MEGF8: variants seen among roughly 807,000 people sequenced by gnomAD.
MEGF8 encodes multiple EGF like domains 8.
Under a neutral mutation model 302.9 loss-of-function variants are expected in MEGF8, and 156 were observed. The ratio of observed to expected loss-of-function variants is 0.52; its 90% CI spans 0.45 to 0.59. MEGF8 has a LOEUF of 0.59. Ranked by LOEUF, MEGF8 falls within the 20% of genes least tolerant of loss-of-function variation. The pLI is 0.00. For synonymous variants in MEGF8, 1,621 were observed against 1,660.5 expected (o/e 0.98, Z 0.58); for missense variants, 3,345 against 3,964.5 (o/e 0.84, Z 4.20).
chr19:42,344,389 G>T lies in MEGF8; in HGVS notation c.1789-52G>T, dbSNP rs953994860. 2.6e-6 allele frequency: 4 copies of T among 1,527,304 alleles called. No homozygotes were observed. In the African/African-American group the frequency reaches 4.1e-5, roughly 16 times the overall value. The allele number at this position is 1,527,304 out of a possible 1,614,324, so 94.6% of individuals were successfully genotyped here. ...CTGTATCCACAGCCCTTCCTTCCCA[G>T]ATCTCTTGAGCTCCAGTTGACAGTG... is the stretch of plus-strand genomic sequence containing the variant. On this transcript the variant is annotated intron_variant, in intron 10 of 41. Transcript: ENST00000251268. The surrounding 1 kb of genome is among the most constrained non-coding windows in gnomAD (Gnocchi z 4.5).
chr19:42,359,691 C>G (rs1021973996), intron 31 of MEGF8, among the ~76,000 whole-genome samples: 7 of 151,790 alleles, frequency 4.6e-5, no homozygotes, highest in Admixed American at 4.6e-4. Flanking sequence ...GTCTCTTTTT[C>G]TATTTTTATT....
rs1390419183 is a variant in MEGF8 at position 42,377,910 on chromosome 19, G to C, written c.*1135G>C. The C allele has an allele frequency of 6.6e-6, 1 of 152,454 alleles. No homozygotes were observed. The highest frequency in any genetic ancestry group is 2.4e-5 in the African/African-American group (1 of 41,430). 9.4% of individuals were successfully genotyped at this position (152,454 alleles called of 1,614,324 possible). A position where few individuals can be genotyped will look rare whatever the true frequency, so the allele number is the denominator to read the frequency against. ...GCTGGCAATGAGGGAGTCTGGCTCA[G>C]ATGTGGGATGTGTATGGAAGAATAT... On this transcript the variant is annotated 3_prime_UTR_variant, in exon 42 of 42. Coordinates refer to ENST00000251268, the MANE Select transcript of MEGF8 (RefSeq NM_001271938.2).
At chr19:42,361,084 G>A (rs1004659859) in intron 32 of MEGF8, 78 bp downstream of exon 32, 27 of 1,398,746 alleles carry the variant, frequency 1.9e-5, no homozygotes, top group Non-Finnish European at 2.3e-5. Context: ...CACCAGGATG[G>A]AGGCCTCAGG....
At chr19:42,365,491 T>G (rs953076214) in intron 35 of MEGF8, among the ~76,000 whole-genome samples, 9 of 150,032 alleles carry the variant, frequency 6.0e-5, no homozygotes, top group African/African-American at 2.2e-4. Flanking sequence ...CTTAGCTGGG[T>G]GGGGTGGCTC....
chr19:42,359,107 C>T lies in MEGF8; in HGVS notation c.5353C>T (p.Arg1785Trp), dbSNP rs772299336. The change falls in exon 31 of 42, where the codon CGG (arginine) becomes TGG (tryptophan). Residue 1785 changes from arginine to tryptophan, a missense_variant. Arg to Trp is a moderately radical substitution (Grantham distance 101, BLOSUM62 -3). Coordinates refer to ENST00000251268, the MANE Select transcript of MEGF8 (RefSeq NM_001271938.2). ...ISPHLKEPRP[R>W]LFHASALLGD... ...CCCGTCTCCCCAACAGCCCCGCCCC[C>T]GGCTTTTCCACGCCTCAGCCCTGTT... 1.5e-4 allele frequency: 231 copies of T among 1,536,520 alleles called. No homozygotes were observed. The highest frequency in any genetic ancestry group is 2.0e-4 in the Non-Finnish European group (224 of 1,141,514).
intron 1 of MEGF8, among the ~76,000 whole-genome samples, chr19:42,333,201 T>G (rs2039077865): frequency 6.6e-6 from 1 of 152,178 alleles, no homozygotes; most frequent in Admixed American, 6.5e-5. Flanking sequence ...ATTATGACCT[T>G]GACCCTCCAG....
At chr19:42,365,226 A>G (rs1600069084) in intron 35 of MEGF8, among the ~76,000 whole-genome samples, 1 of 151,862 alleles carries the variant, frequency 6.6e-6, no homozygotes, top group Non-Finnish European at 1.5e-5. Context: ...CAGAAGGCAT[A>G]CCCACAGTCC....
At chr19:42,326,525 T>G in intron 1 of MEGF8, 95 bp downstream of exon 1, 2 of 1,438,348 alleles carry the variant, frequency 1.4e-6, no homozygotes, top group Non-Finnish European at 1.8e-6. Context: ...TCGGTTCTGG[T>G]CCAGGCCTTT....
chr19:42,346,984 C>CAAAAAAAAAAAA (rs767117534), intron 12 of MEGF8, among the ~76,000 whole-genome samples: 106 of 48,768 alleles, frequency 2.2e-3, no homozygotes, highest in Non-Finnish European at 2.6e-3. Flanking sequence ...GACTCTGTCT[C>CAAAAAAAAAAAA]AAAAAAAAAA....
At chr19:42,348,130 C>T (rs2039316537) in intron 12 of MEGF8, 142 bp from the exon 13 acceptor site, 6 of 738,992 alleles carry the variant, frequency 8.1e-6, no homozygotes, top group South Asian at 2.1e-5. Context: ...CTTTGACAAG[C>T]CACCTAACCC....
chr19:42,348,516 G>C (rs759011543), intron 13 of MEGF8, 44 bp downstream of exon 13: 128 of 1,458,876 alleles, frequency 8.8e-5, no homozygotes, highest in Non-Finnish European at 1.1e-4. Flanking sequence ...ATGGTAAATA[G>C]GGAGTTAGGG....
Position 42,353,367 on chromosome 19 carries a change from G to C in MEGF8, c.3551-98G>C. The C allele has an allele frequency of 7.2e-7, 1 of 1,389,208 alleles. No homozygotes were observed. Among genetic ancestry groups the C allele is most frequent in the Admixed American group, 2.3e-5 (1 of 44,100 alleles). 86.1% of individuals were successfully genotyped at this position (1,389,208 alleles called of 1,614,324 possible). ...ATCTGGGCCTTGGTTTCTCACCTTT[G>C]AAGCGGCTGGGTGGGGTCAGGGTTT... On this transcript the variant is annotated intron_variant, in intron 20 of 41. Transcript: ENST00000251268. The surrounding 1 kb of genome is among the most constrained non-coding windows in gnomAD (Gnocchi z 6.1).
chr19:42,339,711 A>G (rs1312737960), intron 8 of MEGF8, among the ~76,000 whole-genome samples: 1 of 152,214 alleles, frequency 6.6e-6, no homozygotes, highest in Non-Finnish European at 1.5e-5. Context: ...TCAAGATCAC[A>G]GTAGATAAGT....
Position 42,369,437 on chromosome 19 carries a change from A to T in MEGF8, c.6642-94A>T. ...CGGGACAGAGCAGGGATGAGCAACC[A>T]GTTGAGAAGAGGGTGGGGTAGTTGG... On this transcript the variant is annotated intron_variant, in intron 37 of 41. Transcript: ENST00000251268. This position sits in a 1 kb window ranked among gnomAD's most constrained non-coding sequence, Gnocchi z 5.7. 1 of 1,306,908 alleles carries T rather than the reference A, an allele frequency of 7.7e-7. No individual in the cohort carries two copies. The highest frequency in any genetic ancestry group is 1.1e-6 in the Non-Finnish European group (1 of 944,152). The allele number at this position is 1,306,908 out of a possible 1,614,324, so 81.0% of individuals were successfully genotyped here.
chr19:42,339,020 G>A (rs2039175887), intron 8 of MEGF8, among the ~76,000 whole-genome samples: 1 of 151,382 alleles, frequency 6.6e-6, no homozygotes, highest in Admixed American at 6.6e-5. Flanking sequence ...TTTTAGTAGA[G>A]ACGGGGTTTC....
At chr19:42,330,088 A>G (rs765917001) in intron 1 of MEGF8, among the ~76,000 whole-genome samples, 6 of 152,030 alleles carry the variant, frequency 3.9e-5, no homozygotes, top group African/African-American at 9.7e-5. Context: ...GATTACAGGC[A>G]TGTGCCACCA....
Position 42,355,984 on chromosome 19 carries a change from T to C in MEGF8, c.4371T>C (p.Thr1457=). Reference sequence around the variant, plus strand: ...GTCCTGAGAACTGCAATGCCCACACTGGGGCAGGAACTTGTAACCAGGTAC... The same window carrying C: ...GTCCTGAGAACTGCAATGCCCACACCGGGGCAGGAACTTGTAACCAGGTAC... ...ALCPENCNAH[T]GAGTCNQSLG... The change falls in exon 24 of 42, where the codon ACT becomes ACC. Residue 1457 remains threonine, a synonymous_variant. Transcript: ENST00000251268. 2 of 1,612,106 alleles carry C rather than the reference T, an allele frequency of 1.2e-6. No homozygotes were observed. The highest frequency in any genetic ancestry group is 1.7e-6 in the Non-Finnish European group (2 of 1,179,090).
At position 42,353,286 on chromosome 19, in the gene MEGF8, A is replaced by C. The variant is rs1283595603; in HGVS notation, c.3550+159A>C. ...CCTGACTCAAACAGGTTTCAGTGCC[A>C]CCCGTCACTCTGGTTGGGCTTCAGT... is the stretch of plus-strand genomic sequence containing the variant. On this transcript the variant is annotated intron_variant, in intron 20 of 41. Coordinates refer to ENST00000251268, the MANE Select transcript of MEGF8 (RefSeq NM_001271938.2). This position sits in a 1 kb window ranked among gnomAD's most constrained non-coding sequence, Gnocchi z 6.1. Among the ~76,000 whole-genome samples, 1 of 151,970 alleles carries C rather than the reference A, an allele frequency of 6.6e-6. No individual in the cohort carries two copies. Among genetic ancestry groups the C allele is most frequent in the East Asian group, 1.9e-4 (1 of 5,180 alleles).
Position 42,376,353 on chromosome 19 carries a change from C to T in MEGF8, c.8116C>T (p.Pro2706Ser), listed in dbSNP as rs769540970. The change falls in exon 42 of 42, where the codon CCT becomes TCT. Residue 2706 changes from proline (P) to serine (S), a missense_variant. Physicochemically the swap from Pro to Ser is moderately conservative, Grantham distance 74. Coordinates refer to ENST00000251268, the MANE Select transcript of MEGF8 (RefSeq NM_001271938.2). The surrounding 1 kb of genome is among the most constrained non-coding windows in gnomAD (Gnocchi z 8.2). The stretch of plus-strand genomic sequence containing the variant: ...CGCCAAGGTCACCGTCTGCTTCCCA[C>T]CTGACCCTACTGCCCCGGCCTCCGC... ...PFAKVTVCFP[P>S]DPTAPASAWK... 1.9e-6 allele frequency: 3 copies of T among 1,613,434 alleles called. No homozygotes were observed. The highest frequency in any genetic ancestry group is 2.5e-6 in the Non-Finnish European group (3 of 1,179,830).
Sources: allele counts gnomAD v4.1 joint callset (sites outside exome capture counted in the v4.1 genomes callset), GRCh38; gene constraint gnomAD v4.1.1; non-coding constraint Gnocchi (gnomAD v3.1); transcripts MANE v1.5; gene names NCBI Gene and HGNC (gene_info 2026-07-23, HGNC 2026-07-21).